TSC22D1: variants seen among roughly 807,000 people sequenced by gnomAD.
The protein encoded by TSC22D1 is TSC22 domain family protein 1.
Under a neutral mutation model 74.2 loss-of-function variants are expected in TSC22D1, and 9 were observed. The observed-to-expected ratio is 0.12, with a 90% CI of 0.07 to 0.21. The LOEUF (loss-of-function observed/expected upper bound fraction) is 0.21. TSC22D1 is among the 10% of genes least tolerant of loss of function. The probability of loss-of-function intolerance (pLI) is 1.00; values close to 1 mark genes in which losing one functional copy is unlikely to be tolerated. For synonymous variants in TSC22D1, 586 were observed against 492.5 expected, an observed-to-expected ratio of 1.19 and a Z score of -2.51; for missense variants, 1,427 against 1,304.7, an observed-to-expected ratio of 1.09 and a Z score of -1.44.
chr13:44,436,364 T>C, intron 1 of TSC22D1: 2 of 1,234,534 alleles, frequency 1.6e-6, no homozygotes, highest in South Asian at 3.0e-5. Context: ...AATAAGGTTT[T>C]TTAACATTTC....
At chr13:44,533,521 A>G (rs748101949) in intron 1 of TSC22D1, among the ~76,000 whole-genome samples, 5 of 149,000 alleles carry the variant, frequency 3.4e-5, no homozygotes, top group Non-Finnish European at 7.4e-5. Flanking sequence ...CTTAGCAAAG[A>G]GTATCCTTTC....
chr13:44,543,482 A>C (rs940618157), intron 1 of TSC22D1, among the ~76,000 whole-genome samples: 4 of 152,210 alleles, frequency 2.6e-5, no homozygotes, highest in Non-Finnish European at 1.5e-5. Context: ...TTCTTTACCT[A>C]TTATCACCCA....
chr13:44,508,370 T>C (rs994796841), intron 1 of TSC22D1, among the ~76,000 whole-genome samples: 4 of 152,200 alleles, frequency 2.6e-5, no homozygotes, highest in African/African-American at 9.7e-5. Context: ...ATGGTTCCGA[T>C]GTTCATACGT....
intron 1 of TSC22D1, among the ~76,000 whole-genome samples, chr13:44,465,127 C>T (rs1235410191): frequency 7.2e-5 from 11 of 152,036 alleles, no homozygotes; most frequent in Non-Finnish European, 1.5e-4. Flanking sequence ...ACATATATAT[C>T]GTGGCATAGA....
upstream of TSC22D1, among the ~76,000 whole-genome samples, chr13:44,576,731 G>T (rs929200058): frequency 1.9e-3 from 286 of 151,544 alleles, 2 homozygotes; most frequent in African/African-American, 6.1e-3. Flanking sequence ...GGGGCGACGC[G>T]GCTGCGAGCG....
intron 1 of TSC22D1, among the ~76,000 whole-genome samples, chr13:44,552,078 G>A (rs1167369120): frequency 1.3e-5 from 2 of 152,136 alleles, no homozygotes; most frequent in African/African-American, 4.8e-5. Context: ...GCTGGCCATC[G>A]TAAAGGAATT....
chr13:44,479,391 C>A (rs1195331700), intron 1 of TSC22D1, among the ~76,000 whole-genome samples: 1 of 149,396 alleles, frequency 6.7e-6, no homozygotes, highest in African/African-American at 2.5e-5. Context: ...CGGCCCAAGA[C>A]AATTCTTCTT....
At chr13:44,459,332 C>G (rs574714997) in intron 1 of TSC22D1, among the ~76,000 whole-genome samples, 3 of 152,214 alleles carry the variant, frequency 2.0e-5, no homozygotes, top group Non-Finnish European at 4.4e-5. Flanking sequence ...CCAGGATGAC[C>G]TGCCTGTGGA....
chr13:44,465,163 G>T (rs984900321), intron 1 of TSC22D1, among the ~76,000 whole-genome samples: 1 of 152,046 alleles, frequency 6.6e-6, no homozygotes, highest in Non-Finnish European at 1.5e-5. Context: ...AAACTTTCAC[G>T]GTACTAGGAC....
In TSC22D1 at chr13:44,446,555, C is replaced by T. The variant is rs570050332; in HGVS notation, c.2913-10460G>A. 3.1e-3 allele frequency among the ~76,000 whole-genome samples: 477 copies of T among 152,174 alleles called. 2 individuals are homozygous for T. The highest frequency in any genetic ancestry group is 0.011 in the African/African-American group (449 of 41,510). On this transcript the variant is annotated intron_variant, in intron 1 of 2. Coordinates refer to ENST00000458659, the MANE Select transcript of TSC22D1 (RefSeq NM_183422.4). ...GGTACCTCGTTCACCACTTGGGCAA[C>T]GGGATTATTAGAACCCCAAGACTCA... is the stretch of plus-strand genomic sequence containing the variant.
At chr13:44,539,685 G>A (rs1881351774) in intron 1 of TSC22D1, 1 of 1,173,386 alleles carries the variant, frequency 8.5e-7, no homozygotes, top group South Asian at 1.7e-5. Flanking sequence ...TGAACCCAAG[G>A]AGTTTACCAC....
rs146669731 is a variant in TSC22D1, at chr13:44,575,988, A to T, written c.87T>A (p.Pro29=). The T allele has an allele frequency of 1.3e-6, 2 of 1,598,958 alleles. No homozygotes were observed. The highest frequency in any genetic ancestry group is 1.7e-5 in the Admixed American group (1 of 57,380). Residue 29 remains proline, a synonymous_variant, in exon 1 of 3, where the codon CCT becomes CCA. Transcript: ENST00000458659. ...ARKMAHPAMF[P]RRGSGSGSAS... ...CGCTGCCACTACCGCTGCCCCTTCGAGGGAACATTGCCGGGTGCGCCATCT... is the reference window on the plus strand; with the variant it reads ...CGCTGCCACTACCGCTGCCCCTTCGTGGGAACATTGCCGGGTGCGCCATCT...
intron 1 of TSC22D1, chr13:44,436,479 A>G (rs765706655): frequency 6.2e-7 from 1 of 1,608,446 alleles, no homozygotes. Context: ...ATAAATTTAA[A>G]GAAACTATCT....
Position 44,434,079 on chromosome 13 carries a change from A to G in TSC22D1, c.*547T>C. 5.2e-6 allele frequency: 8 copies of G among 1,525,678 alleles called. No homozygotes were observed. Among genetic ancestry groups the G allele is most frequent in the Non-Finnish European group, 7.0e-6 (8 of 1,144,562 alleles). 94.5% of individuals were successfully genotyped at this position (1,525,678 alleles called of 1,614,324 possible). A position where few individuals can be genotyped will look rare whatever the true frequency, so the allele number is the denominator to read the frequency against. On this transcript the variant is annotated 3_prime_UTR_variant, in exon 3 of 3. Transcript: ENST00000458659. The stretch of plus-strand genomic sequence containing the variant: ...AGTTTTGTGTCATCCATTGTTTGAG[A>G]AGAAAGAGGCACAGTACTATTGTTT...
chr13:44,460,733 T>C (rs568258671), intron 1 of TSC22D1, among the ~76,000 whole-genome samples: 1 of 152,334 alleles, frequency 6.6e-6, no homozygotes, highest in South Asian at 2.1e-4. Context: ...TCAAGTGACC[T>C]TCTCCCCAGA....
rs148615987 is a variant in TSC22D1 at position 44,457,953 on chromosome 13, A to G, written c.2913-21858T>C. On this transcript the variant is annotated intron_variant, in intron 1 of 2. Transcript: ENST00000458659. ...TATTACACATACATCAGATCTGTCA[A>G]CTGACACTGTTTCATATTCTTGGAC... Among the ~76,000 whole-genome samples, 25 of 152,332 alleles carry G rather than the reference A, an allele frequency of 1.6e-4. No homozygotes were observed. The East Asian group carries it at 4.2e-3, about 26-fold the overall frequency.
At chr13:44,449,990 G>A (rs1029983594) in intron 1 of TSC22D1, among the ~76,000 whole-genome samples, 14 of 152,260 alleles carry the variant, frequency 9.2e-5, no homozygotes, top group Admixed American at 9.2e-4. Flanking sequence ...TGACTTGGGG[G>A]CAGTTGCAGG....
chr13:44,525,997 G>A (rs1015173255), intron 1 of TSC22D1, among the ~76,000 whole-genome samples: 3 of 152,094 alleles, frequency 2.0e-5, no homozygotes, highest in South Asian at 2.1e-4. Context: ...AGCTCCTCAC[G>A]AGGCTGAGGC....
At chr13:44,507,281 G>A (rs1032470483) in intron 1 of TSC22D1, among the ~76,000 whole-genome samples, 3 of 152,188 alleles carry the variant, frequency 2.0e-5, no homozygotes, top group Non-Finnish European at 2.9e-5. Flanking sequence ...AAAAGCAGCA[G>A]AGGTAAGAAT....
Sources: allele counts gnomAD v4.1 joint callset (sites outside exome capture counted in the v4.1 genomes callset), GRCh38; gene constraint gnomAD v4.1.1; transcripts MANE v1.5; gene names NCBI Gene and HGNC (gene_info 2026-07-23, HGNC 2026-07-21).